The following FHIT variants were observed in gnomAD, a reference collection of about 807,000 sequenced individuals.
FHIT encodes fragile histidine triad diadenosine triphosphatase, also known as bis(5'-adenosyl)-triphosphatase.
A neutral mutation model predicts 17.9 loss-of-function variants in FHIT; 19 were observed. The observed-to-expected ratio is 1.06, with a 90% CI of 0.74 to 1.56. The LOEUF (loss-of-function observed/expected upper bound fraction) is 1.56, where lower values mean the gene tolerates loss of function less well. Ranked by LOEUF, FHIT falls within the 40% of genes most tolerant of loss-of-function variation. The pLI is 0.00. For missense variants in FHIT, 248 were observed against 189.2 expected, an observed-to-expected ratio of 1.31 and a Z score of -1.82; for synonymous variants, 81 against 69.7, an observed-to-expected ratio of 1.16 and a Z score of -0.81.
At chr3:60,285,481 C>T (rs916191871) in intron 5 of FHIT, among the ~76,000 whole-genome samples, 3 of 152,088 alleles carry the variant, frequency 2.0e-5, no homozygotes, top group African/African-American at 7.2e-5. Context: ...TTTTCTTAAT[C>T]TTCATAAAGC....
chr3:60,106,341 C>T (rs35714610), intron 5 of FHIT, among the ~76,000 whole-genome samples: 39,326 of 152,054 alleles, frequency 0.26, 5,790 homozygotes, highest in East Asian at 0.52. Context: ...GGTGGCAACA[C>T]CTATAGGAAG....
intron 5 of FHIT, among the ~76,000 whole-genome samples, chr3:60,516,175 T>C (rs1245886660): frequency 1.3e-5 from 2 of 152,226 alleles, no homozygotes; most frequent in African/African-American, 4.8e-5. Flanking sequence ...TATGTGACTA[T>C]ATTTGCTGAT....
At chr3:60,851,032 G>A (rs1703133623) in intron 3 of FHIT, among the ~76,000 whole-genome samples, 1 of 152,054 alleles carries the variant, frequency 6.6e-6, no homozygotes, top group African/African-American at 2.4e-5. Flanking sequence ...GCTCACATTT[G>A]CATTCCAGAT....
chr3:60,318,883 G>A (rs1195483298), intron 5 of FHIT, among the ~76,000 whole-genome samples: 3 of 152,160 alleles, frequency 2.0e-5, no homozygotes, highest in African/African-American at 7.2e-5. Flanking sequence ...TCGGAAGGAA[G>A]AATGGATTTC....
chr3:61,168,575 T>C (rs2037907625), intron 2 of FHIT, among the ~76,000 whole-genome samples: 1 of 152,200 alleles, frequency 6.6e-6, no homozygotes, highest in Non-Finnish European at 1.5e-5. Flanking sequence ...ACTTGAGCAA[T>C]GCTGTGTTCC....
At chr3:60,005,485 A>G (rs899047024) in intron 7 of FHIT, among the ~76,000 whole-genome samples, 1 of 152,016 alleles carries the variant, frequency 6.6e-6, no homozygotes, top group Non-Finnish European at 1.5e-5. Flanking sequence ...AGATATTTAC[A>G]TGCCAGAGGA....
intron 4 of FHIT, among the ~76,000 whole-genome samples, chr3:60,576,949 T>TACACACACACACAC (rs57891077): frequency 0.018 from 2,640 of 146,786 alleles, 49 homozygotes; most frequent in African/African-American, 0.034. Context: ...TCCATTTGCA[T>TACACACACACACAC]ACACACACAC....
At chr3:61,053,293 T>A (rs900350820) in intron 2 of FHIT, among the ~76,000 whole-genome samples, 4 of 152,096 alleles carry the variant, frequency 2.6e-5, no homozygotes, top group Non-Finnish European at 5.9e-5. Context: ...TACATTCACA[T>A]ACATAAAAAA....
intron 4 of FHIT, among the ~76,000 whole-genome samples, chr3:60,583,053 C>T (rs1382123854): frequency 1.3e-5 from 2 of 151,666 alleles, no homozygotes; most frequent in Non-Finnish European, 2.9e-5. Context: ...GTAAGACAAG[C>T]GTCTAAATCA....
At chr3:60,966,850 T>C (rs1287213164) in intron 3 of FHIT, among the ~76,000 whole-genome samples, 2 of 152,188 alleles carry the variant, frequency 1.3e-5, no homozygotes, top group Non-Finnish European at 2.9e-5. Flanking sequence ...CTGTGGTACA[T>C]TTTACACATA....
chr3:59,798,390 T>C (rs1255425033), intron 8 of FHIT, among the ~76,000 whole-genome samples: 1 of 152,194 alleles, frequency 6.6e-6, no homozygotes, highest in East Asian at 1.9e-4. Flanking sequence ...AAGAAGATTA[T>C]ACCAAGAGTT....
chr3:61,072,109 T>C (rs956647807), intron 2 of FHIT, among the ~76,000 whole-genome samples: 1 of 152,176 alleles, frequency 6.6e-6, no homozygotes, highest in Non-Finnish European at 1.5e-5. Flanking sequence ...TCTATGACCA[T>C]GGGTAAGGTC....
At chr3:61,120,216 C>A (rs940490923) in intron 2 of FHIT, among the ~76,000 whole-genome samples, 1 of 152,140 alleles carries the variant, frequency 6.6e-6, no homozygotes, top group Non-Finnish European at 1.5e-5. Flanking sequence ...ATCCAAAGGA[C>A]TAAGGACTAT....
chr3:60,251,477 T>C (rs139886113), intron 5 of FHIT, among the ~76,000 whole-genome samples: 2 of 152,348 alleles, frequency 1.3e-5, no homozygotes, highest in Admixed American at 6.5e-5. Context: ...TTGTCTGGTC[T>C]GTGATCATCC....
At chr3:61,006,998 T>C (rs1013904794) in intron 3 of FHIT, among the ~76,000 whole-genome samples, 7 of 152,250 alleles carry the variant, frequency 4.6e-5, no homozygotes, top group African/African-American at 1.7e-4. Context: ...TTAATGTGCA[T>C]AACATTTTAA....
chr3:59,939,664 C>T (rs1415687399), intron 7 of FHIT, among the ~76,000 whole-genome samples: 2 of 152,152 alleles, frequency 1.3e-5, no homozygotes, highest in African/African-American at 4.8e-5. Context: ...ACTGCTGAGC[C>T]CTGGCTACAG....
At chr3:60,369,161 G>T (rs998592283) in intron 5 of FHIT, among the ~76,000 whole-genome samples, 2 of 149,472 alleles carry the variant, frequency 1.3e-5, no homozygotes, top group Non-Finnish European at 3.0e-5. Flanking sequence ...TTTGTAGAGG[G>T]GGTCTCTCAC....
At chr3:60,439,893 C>T (rs2030640588) in intron 5 of FHIT, among the ~76,000 whole-genome samples, 1 of 151,994 alleles carries the variant, frequency 6.6e-6, no homozygotes, top group Non-Finnish European at 1.5e-5. Context: ...GATGCACATG[C>T]CAGTCTAAAT....
At chr3:60,029,529 C>G (rs17061864) in intron 5 of FHIT, among the ~76,000 whole-genome samples, 8,928 of 152,262 alleles carry the variant, frequency 0.059, 522 homozygotes, top group East Asian at 0.27. Flanking sequence ...GACCCGTCGT[C>G]ATATGCTCCT....
Sources: allele counts gnomAD v4.1 joint callset (sites outside exome capture counted in the v4.1 genomes callset), GRCh38; gene constraint gnomAD v4.1.1; transcripts MANE v1.5; gene names NCBI Gene and HGNC (gene_info 2026-07-23, HGNC 2026-07-21).